Variants in MAMDC2 observed in about 807,000 individuals in gnomAD.
MAMDC2 encodes MAM domain containing 2.
In MAMDC2, 57 loss-of-function variants were observed where a neutral mutation model predicts 89.8. The observed-to-expected ratio is 0.63, with a 90% CI of 0.51 to 0.79. The LOEUF (loss-of-function observed/expected upper bound fraction) is 0.79. Ranked by LOEUF, MAMDC2 falls within the 30% of genes least tolerant of loss-of-function variation. The probability of loss-of-function intolerance (pLI) is 0.00; values close to 1 mark genes in which losing one functional copy is unlikely to be tolerated. For missense variants in MAMDC2, 800 were observed against 820.6 expected, an observed-to-expected ratio of 0.97 and a Z score of 0.31; for synonymous variants, 313 against 293.4, an observed-to-expected ratio of 1.07 and a Z score of -0.68.
At chr9:70,184,792 C>T (rs1267645268) in intron 11 of MAMDC2, among the ~76,000 whole-genome samples, 1 of 151,984 alleles carries the variant, frequency 6.6e-6, no homozygotes, top group Non-Finnish European at 1.5e-5. Context: ...AACCTTTTAT[C>T]AAGGTTCTCG....
chr9:70,220,165 G>T (rs1927097), intron 12 of MAMDC2, among the ~76,000 whole-genome samples: 1 of 152,212 alleles, frequency 6.6e-6, no homozygotes, highest in Non-Finnish European at 1.5e-5. Context: ...ATACTGATGC[G>T]CAAGTGCTCT....
chr9:70,145,086 A>G (rs896252464), intron 9 of MAMDC2, among the ~76,000 whole-genome samples: 1 of 152,240 alleles, frequency 6.6e-6, no homozygotes, highest in African/African-American at 2.4e-5. Context: ...AAAAGAGTTA[A>G]ACTGATTTCT....
At chr9:70,122,377 T>C (rs1325303211) in intron 5 of MAMDC2, among the ~76,000 whole-genome samples, 4 of 152,226 alleles carry the variant, frequency 2.6e-5, no homozygotes, top group African/African-American at 7.2e-5. Context: ...GCACAAAATA[T>C]TGTCCACACA....
At chr9:70,133,754 GT>G (rs2030897485) in intron 7 of MAMDC2, among the ~76,000 whole-genome samples, 1 of 152,212 alleles carries the variant, frequency 6.6e-6, no homozygotes. Context: ...GTTAATGTCT[GT>G]GAAGGCCTTA....
chr9:70,063,414 G>A (rs1174729564), intron 2 of MAMDC2, among the ~76,000 whole-genome samples: 1 of 152,166 alleles, frequency 6.6e-6, no homozygotes, highest in Non-Finnish European at 1.5e-5. Flanking sequence ...GCCTGAATGA[G>A]AGATGGAGTG....
chr9:70,178,371 G>C (rs893018449), intron 11 of MAMDC2, among the ~76,000 whole-genome samples: 1 of 150,234 alleles, frequency 6.7e-6, no homozygotes, highest in Non-Finnish European at 1.5e-5. Context: ...CTTTAACAAG[G>C]AACCTACTCC....
At chr9:70,080,446 A>G (rs1373458612) in intron 2 of MAMDC2, among the ~76,000 whole-genome samples, 2 of 152,238 alleles carry the variant, frequency 1.3e-5, no homozygotes, top group African/African-American at 4.8e-5. Context: ...ATTATTTTAA[A>G]TAGTTGCCTA....
rs374939622 is a variant in MAMDC2 at position 70,143,627 on chromosome 9, A to C, written c.1212A>C (p.Leu404=). The stretch of plus-strand genomic sequence containing the variant: ...TTGGAAGGCTCTATGGGCCCTCCCT[A>C]CCAGGAAACTTGCAGTATTGTCTGC... ...GYIGRLYGPS[L]PGNLQYCLRF... Residue 404 remains leucine, a synonymous_variant, in exon 9 of 14, where the codon CTA becomes CTC. Coordinates refer to ENST00000377182, the MANE Select transcript of MAMDC2 (RefSeq NM_153267.5). 1 of 1,614,162 alleles carries C rather than the reference A, an allele frequency of 6.2e-7. No homozygotes were observed. Among genetic ancestry groups the C allele is most frequent in the Non-Finnish European group, 8.5e-7 (1 of 1,180,002 alleles).
chr9:70,050,863 G>A (rs915856228), intron 2 of MAMDC2, among the ~76,000 whole-genome samples: 1 of 152,150 alleles, frequency 6.6e-6, no homozygotes, highest in Admixed American at 6.5e-5. Context: ...TTGTGTGGCT[G>A]AACAAGGTGT....
intron 2 of MAMDC2, among the ~76,000 whole-genome samples, chr9:70,080,886 G>C (rs757882208): frequency 6.6e-6 from 1 of 152,264 alleles, no homozygotes; most frequent in South Asian, 2.1e-4. Context: ...AATGAAGAGA[G>C]ATTTGGGGTT....
At chr9:70,163,784 T>A (rs555982795) in intron 9 of MAMDC2, among the ~76,000 whole-genome samples, 45 of 151,310 alleles carry the variant, frequency 3.0e-4, no homozygotes, top group African/African-American at 1.1e-3. Context: ...TGAAACCCTG[T>A]CTCTACAAAA....
intron 9 of MAMDC2, among the ~76,000 whole-genome samples, chr9:70,158,651 ATATG>A (rs1486759147): frequency 1.3e-5 from 2 of 152,012 alleles, no homozygotes; most frequent in Admixed American, 1.3e-4. Flanking sequence ...ATGTACTTAT[ATATG>A]TATATACAGT....
rs368790229 is a variant in MAMDC2 at position 70,168,787 on chromosome 9, C to T, written c.1490C>T (p.Ser497Leu). The T allele has an allele frequency of 1.2e-6, 2 of 1,613,338 alleles. No homozygotes were observed. The highest frequency in any genetic ancestry group is 8.5e-7 in the Non-Finnish European group (1 of 1,179,336). The change falls in exon 10 of 14, where the codon TCA (serine) becomes TTA (leucine). Residue 497 changes from serine to leucine, a missense_variant. Ser to Leu is a moderately radical substitution (Grantham distance 145). Transcript: ENST00000377182. ...ATTACAATACAATTGGGAAGCTGCT[C>T]ATCTTCAGGTAAGACGGCAATCATT... ...DDITIQLGSC[S>L]SSEKLPPPPG...
chr9:70,089,432 T>A (rs549995482), intron 2 of MAMDC2, among the ~76,000 whole-genome samples: 1 of 152,316 alleles, frequency 6.6e-6, no homozygotes, highest in Admixed American at 6.5e-5. Flanking sequence ...ATTTTTTGCA[T>A]CTTAAAAATT....
chr9:70,047,507 C>A (rs1826782452), intron 2 of MAMDC2, among the ~76,000 whole-genome samples: 1 of 152,178 alleles, frequency 6.6e-6, no homozygotes, highest in Non-Finnish European at 1.5e-5. Flanking sequence ...CCAGCTTCAT[C>A]CATGTCCCTG....
At chr9:70,189,534 C>G (rs1384902394) in intron 11 of MAMDC2, among the ~76,000 whole-genome samples, 1 of 152,080 alleles carries the variant, frequency 6.6e-6, no homozygotes, top group African/African-American at 2.4e-5. Flanking sequence ...TGGCTTGTAA[C>G]AGTTAAATGT....
intron 2 of MAMDC2, among the ~76,000 whole-genome samples, chr9:70,090,376 T>C (rs981385539): frequency 2.7e-5 from 4 of 150,632 alleles, no homozygotes; most frequent in Non-Finnish European, 5.9e-5. Context: ...TACAGCTACT[T>C]GGAAGGCTAA....
intron 11 of MAMDC2, among the ~76,000 whole-genome samples, chr9:70,199,455 G>A (rs1319480420): frequency 1.3e-5 from 2 of 149,442 alleles, no homozygotes; most frequent in Non-Finnish European, 3.0e-5. Flanking sequence ...TATCATTGTT[G>A]GACATTTGGG....
chr9:70,174,874 C>A (rs983826234), intron 11 of MAMDC2, among the ~76,000 whole-genome samples: 1 of 151,874 alleles, frequency 6.6e-6, no homozygotes, highest in Non-Finnish European at 1.5e-5. Flanking sequence ...TACAGGTGCC[C>A]GCCACCATGC....
Sources: gnomAD v4.1 joint callset for allele counts (sites outside exome capture counted in the v4.1 genomes callset) on GRCh38, gnomAD v4.1.1 for gene constraint, MANE v1.5 for transcripts, NCBI Gene and HGNC (gene_info 2026-07-23, HGNC 2026-07-21) for gene names.